TNNI3K: variants seen among roughly 807,000 people sequenced by gnomAD.
TNNI3K encodes serine/threonine-protein kinase TNNI3K.
Under a neutral mutation model 114.5 loss-of-function variants are expected in TNNI3K, and 140 were observed. The ratio of observed to expected loss-of-function variants is 1.22; its 90% CI spans 1.07 to 1.41. The LOEUF (loss-of-function observed/expected upper bound fraction) is 1.41, where lower values mean the gene tolerates loss of function less well. TNNI3K is among the 40% of genes most tolerant of loss of function. TNNI3K has a pLI of 0.00. For synonymous variants in TNNI3K, 347 were observed against 347.5 expected (o/e 1.00, Z 0.02); for missense variants, 1,125 against 1,007.6 (o/e 1.12, Z -1.58).
At chr1:74,269,575 A>G (rs961461787) in intron 4 of TNNI3K, among the ~76,000 whole-genome samples, 5 of 151,818 alleles carry the variant, frequency 3.3e-5, no homozygotes, top group Non-Finnish European at 1.5e-5. Context: ...TGTGAGAAGT[A>G]TAAGTCAGTT....
At chr1:74,470,426 G>A (rs1198199158) in intron 21 of TNNI3K, 1 of 400,486 alleles carries the variant, frequency 2.5e-6, no homozygotes, top group Non-Finnish European at 4.4e-6. Context: ...TCATTTCTGG[G>A]CAATGCATTT....
chr1:74,534,951 T>C (rs924668535), intron 23 of TNNI3K, among the ~76,000 whole-genome samples: 2 of 152,172 alleles, frequency 1.3e-5, no homozygotes, highest in African/African-American at 4.8e-5. Context: ...CCATTTCAAA[T>C]GAAATGTATT....
At chr1:74,495,704 CA>C (rs1228483869) in intron 23 of TNNI3K, among the ~76,000 whole-genome samples, 9 of 152,092 alleles carry the variant, frequency 5.9e-5, no homozygotes, top group Non-Finnish European at 1.0e-4. Context: ...AGTAAGTAAG[CA>C]AAGCTGGAAT....
intron 21 of TNNI3K, among the ~76,000 whole-genome samples, chr1:74,486,201 A>AAGAGAGAGAGAGAG (rs58506314): frequency 0.031 from 4,276 of 136,352 alleles, 114 homozygotes; most frequent in East Asian, 0.055. Flanking sequence ...AAATGCTATA[A>AAGAGAGAGAGAGAG]AGAGAGAGAG....
intron 4 of TNNI3K, among the ~76,000 whole-genome samples, chr1:74,268,759 C>A (rs10493540): frequency 6.6e-6 from 1 of 151,726 alleles, no homozygotes; most frequent in African/African-American, 2.4e-5. Context: ...CTATGACCTG[C>A]ATCTTAACCC....
Position 74,247,443 on chromosome 1 carries a change from G to A in TNNI3K, c.150-2016G>A, listed in dbSNP as rs1008150695. Among the ~76,000 whole-genome samples, 10 of 152,160 alleles carry A rather than the reference G, an allele frequency of 6.6e-5. No individual in the cohort carries two copies. In the East Asian group the frequency reaches 7.7e-4, roughly 12 times the overall value. ...AGCAGCAAGATTTATTGCAAAAAGC[G>A]AAAGAACAAAGCTCCCACGGTATGA... is the stretch of plus-strand genomic sequence containing the variant. On this transcript the variant is annotated intron_variant, in intron 2 of 24. Coordinates refer to ENST00000326637, the MANE Select transcript of TNNI3K (RefSeq NM_015978.3).
intron 4 of TNNI3K, among the ~76,000 whole-genome samples, chr1:74,256,735 A>G (rs1655337597): frequency 1.3e-5 from 2 of 152,162 alleles, no homozygotes; most frequent in Non-Finnish European, 2.9e-5. Flanking sequence ...ACCTTCCAGT[A>G]GTATAGTTTC....
At chr1:74,393,519 A>T (rs924048922) in intron 17 of TNNI3K, among the ~76,000 whole-genome samples, 1 of 152,202 alleles carries the variant, frequency 6.6e-6, no homozygotes, top group Non-Finnish European at 1.5e-5. Context: ...ATAGAAATTA[A>T]TTTTCCAGGC....
chr1:74,413,667 C>T lies in TNNI3K; in HGVS notation c.1773-22413C>T, dbSNP rs1003681265. 1.2e-4 allele frequency among the ~76,000 whole-genome samples: 18 copies of T among 152,294 alleles called. No individual in the cohort carries two copies. In the South Asian group the frequency reaches 2.7e-3, roughly 23 times the overall value. The stretch of plus-strand genomic sequence containing the variant: ...AATTCTGTATAAAGAACGTTGCATA[C>T]TTTGAATACAAGCGCCGAAAATTTA... On this transcript the variant is annotated intron_variant, in intron 17 of 24. Coordinates refer to ENST00000326637, the MANE Select transcript of TNNI3K (RefSeq NM_015978.3).
chr1:74,272,658 T>C (rs1656422406), intron 5 of TNNI3K, among the ~76,000 whole-genome samples: 1 of 151,866 alleles, frequency 6.6e-6, no homozygotes. Context: ...CACAGTGTTT[T>C]AAAGGTCATA....
chr1:74,374,529 A>T (rs562131116), intron 17 of TNNI3K: 25 of 152,062 alleles, frequency 1.6e-4, no homozygotes, highest in African/African-American at 6.0e-4. Context: ...TTGAATGGGC[A>T]TCAGCAATAT....
rs45518034 is a variant in TNNI3K at position 74,507,660 on chromosome 1, C to T, written c.2351+15394C>T. ...TGTTCTCCTTCACATTAGGATGGTTCACTGACACCAACAACATGGAGATGC... is the reference window on the plus strand; with the variant it reads ...TGTTCTCCTTCACATTAGGATGGTTTACTGACACCAACAACATGGAGATGC... On this transcript the variant is annotated intron_variant, in intron 23 of 24. Transcript: ENST00000326637. Among the ~76,000 whole-genome samples the T allele has an allele frequency of 8.2e-3, 1,253 of 152,216 alleles. 23 individuals carry two copies. Among genetic ancestry groups the T allele is most frequent in the African/African-American group, 0.029 (1,211 of 41,524 alleles).
At chr1:74,422,002 G>C (rs1023704401) in intron 17 of TNNI3K, among the ~76,000 whole-genome samples, 2 of 148,684 alleles carry the variant, frequency 1.3e-5, no homozygotes, top group African/African-American at 4.9e-5. Flanking sequence ...ATTTATTTTA[G>C]ATTTTTTCAG....
chr1:74,430,511 C>T (rs900564303), intron 17 of TNNI3K, among the ~76,000 whole-genome samples: 2 of 151,984 alleles, frequency 1.3e-5, no homozygotes, highest in African/African-American at 2.4e-5. Flanking sequence ...GAATGTGAAC[C>T]GTGTTACTGA....
At chr1:74,283,377 T>C (rs2100260381) in intron 5 of TNNI3K, among the ~76,000 whole-genome samples, 1 of 152,268 alleles carries the variant, frequency 6.6e-6, no homozygotes, top group East Asian at 1.9e-4. Flanking sequence ...TATTTTAAGG[T>C]CTCAGAGCAA....
intron 20 of TNNI3K, among the ~76,000 whole-genome samples, chr1:74,445,900 G>A (rs59017319): frequency 0.044 from 6,686 of 152,192 alleles, 259 homozygotes; most frequent in African/African-American, 0.11. Flanking sequence ...GTGAGCCACC[G>A]TGCCCGGCCG....
intron 21 of TNNI3K, among the ~76,000 whole-genome samples, chr1:74,478,855 C>A (rs1668335725): frequency 6.6e-6 from 1 of 152,146 alleles, no homozygotes; most frequent in South Asian, 2.1e-4. Context: ...TCACTTATGT[C>A]TTTTATGGTA....
In TNNI3K at chr1:74,415,934, A is replaced by G. The variant is rs149839003; in HGVS notation, c.1773-20146A>G. ...TCTGGTTTGCCTTCCAGAAAGGAAT[A>G]TGCTTTAGATAATTGTCATGAGGAG... On this transcript the variant is annotated intron_variant, in intron 17 of 24. Transcript: ENST00000326637. Among the ~76,000 whole-genome samples the G allele has an allele frequency of 2.4e-3, 359 of 152,270 alleles. 2 individuals are homozygous for G. The highest frequency in any genetic ancestry group is 7.9e-3 in the African/African-American group (328 of 41,574).
At chr1:74,262,305 T>G (rs1271820667) in intron 4 of TNNI3K, among the ~76,000 whole-genome samples, 1 of 152,098 alleles carries the variant, frequency 6.6e-6, no homozygotes, top group Non-Finnish European at 1.5e-5. Flanking sequence ...GAGCAGCCAC[T>G]TCCCTCATGC....
Sources: gnomAD v4.1 joint callset for allele counts (sites outside exome capture counted in the v4.1 genomes callset) on GRCh38, gnomAD v4.1.1 for gene constraint, MANE v1.5 for transcripts, NCBI Gene and HGNC (gene_info 2026-07-23, HGNC 2026-07-21) for gene names.